IL7R: variants seen among roughly 807,000 people sequenced by gnomAD.
The protein encoded by IL7R is interleukin-7 receptor subunit alpha.
IL7R carries 38 observed loss-of-function variants against 47.0 expected under a neutral mutation model. The observed-to-expected ratio is 0.81, with a 90% CI of 0.62 to 1.06. The LOEUF (loss-of-function observed/expected upper bound fraction) is 1.06, where lower values mean the gene tolerates loss of function less well. IL7R is among the 50% of genes least tolerant of loss of function. The pLI, the probability that IL7R is intolerant of heterozygous loss-of-function variation, is 0.00. For synonymous variants in IL7R, 221 were observed against 199.8 expected, an observed-to-expected ratio of 1.11 and a Z score of -0.89; for missense variants, 633 against 534.8, an observed-to-expected ratio of 1.18 and a Z score of -1.81.
intron 1 of IL7R, among the ~76,000 whole-genome samples, chr5:35,859,977 T>C (rs1277757448): frequency 1.3e-5 from 2 of 151,628 alleles, no homozygotes; most frequent in South Asian, 2.1e-4. Context: ...AAAACATACA[T>C]ACAAAATGTA....
At chr5:35,863,488 A>C (rs1759870040) in intron 2 of IL7R, among the ~76,000 whole-genome samples, 1 of 152,174 alleles carries the variant, frequency 6.6e-6, no homozygotes, top group African/African-American at 2.4e-5. Flanking sequence ...ACACACATCC[A>C]GTTCACCAAG....
At chr5:35,870,905 A>C (rs889833959) in intron 3 of IL7R, 151 bp from the exon 4 acceptor site, 9 of 713,358 alleles carry the variant, frequency 1.3e-5, no homozygotes, top group Middle Eastern at 7.2e-4. Flanking sequence ...GACTGGATTT[A>C]AACCCAAGAA....
chr5:35,875,504 G>C lies in IL7R; in HGVS notation c.801-8G>C. 1 of 1,601,636 alleles carries C rather than the reference G, an allele frequency of 6.2e-7. No individual in the cohort carries two copies. The highest frequency in any genetic ancestry group is 8.6e-7 in the Non-Finnish European group (1 of 1,168,708). ...TTCACTTCATCTATCAATGTTCTCT[G>C]ATTTCAGGATTAAGCCTATCGTATG... On this transcript the variant is annotated splice_region_variant and splice_polypyrimidine_tract_variant and intron_variant, in intron 6 of 7. Transcript: ENST00000303115.
Position 35,868,938 on chromosome 5 carries a change from C to T in IL7R, c.379+1475C>T, listed in dbSNP as rs751450573. On this transcript the variant is annotated intron_variant, in intron 3 of 7. Coordinates refer to ENST00000303115, the MANE Select transcript of IL7R (RefSeq NM_002185.5). Reference sequence around the variant, plus strand: ...GACTGCAAATCTGACATGCCTCCTCCGAACGGCAAGGGGGAGAGGTACGTA... The same window carrying T: ...GACTGCAAATCTGACATGCCTCCTCTGAACGGCAAGGGGGAGAGGTACGTA... 3.5e-4 allele frequency among the ~76,000 whole-genome samples: 54 copies of T among 152,130 alleles called. 1 individual carries two copies. Among genetic ancestry groups the T allele is most frequent in the Admixed American group, 5.9e-4 (9 of 15,270 alleles).
chr5:35,874,214 A>T (rs1258971166), intron 5 of IL7R, among the ~76,000 whole-genome samples: 1 of 152,180 alleles, frequency 6.6e-6, no homozygotes, highest in Non-Finnish European at 1.5e-5. Context: ...GGTACCTTTG[A>T]TGCTAGATCA....
chr5:35,869,315 A>C lies in IL7R; in HGVS notation c.380-1741A>C, dbSNP rs139789790. ...TTGATATGATTATTCAGATTGTACAAGAATCTATTCCCTCTGAAGTATTGC... is the reference window on the plus strand; with the variant it reads ...TTGATATGATTATTCAGATTGTACACGAATCTATTCCCTCTGAAGTATTGC... On this transcript the variant is annotated intron_variant, in intron 3 of 7. Transcript: ENST00000303115. Among the ~76,000 whole-genome samples the C allele has an allele frequency of 4.7e-3, 709 of 152,304 alleles. 5 individuals carry two copies. Among genetic ancestry groups the C allele is most frequent in the African/African-American group, 0.016 (678 of 41,564 alleles).
intron 3 of IL7R, among the ~76,000 whole-genome samples, chr5:35,869,193 C>T (rs955277277): frequency 1.3e-5 from 2 of 152,174 alleles, no homozygotes; most frequent in African/African-American, 4.8e-5. Context: ...CCACTGCCAC[C>T]ACCTGCACCC....
chr5:35,873,009 A>C (rs1179401311), intron 4 of IL7R, among the ~76,000 whole-genome samples: 3 of 148,322 alleles, frequency 2.0e-5, no homozygotes, highest in Admixed American at 6.7e-5. Context: ...TATCTGTCAA[A>C]TTGATAGAGT....
chr5:35,876,240 C>T lies in IL7R; in HGVS notation c.1134C>T (p.Asp378=), dbSNP rs150593442. 1.5e-5 allele frequency: 25 copies of T among 1,613,998 alleles called. No homozygotes were observed. The highest frequency in any genetic ancestry group is 1.2e-4 in the South Asian group (11 of 91,084). The change falls in exon 8 of 8, where the codon GAC becomes GAT. Residue 378 remains aspartate, a synonymous_variant. Transcript: ENST00000303115. Reference sequence around the variant, plus strand: ...TGGCTGGGAATGTCAGTGCATGTGACGCCCCTATTCTCTCCTCTTCCAGGT... The same window carrying T: ...TGGCTGGGAATGTCAGTGCATGTGATGCCCCTATTCTCTCCTCTTCCAGGT... The part of the protein sequence containing the change: ...TCLAGNVSAC[D]APILSSSRSL...
Position 35,876,449 on chromosome 5 carries a change from C to T in IL7R, c.1343C>T (p.Ala448Val), listed in dbSNP as rs1580865043. 1.9e-6 allele frequency: 3 copies of T among 1,606,140 alleles called. No homozygotes were observed. Among genetic ancestry groups the T allele is most frequent in the Non-Finnish European group, 1.7e-6 (2 of 1,179,952 alleles). Residue 448 changes from alanine (A) to valine (V), a missense_variant, in exon 8 of 8, where the codon GCA becomes GTA. By Grantham distance (64) the Ala-to-Val change is moderately conservative. Transcript: ENST00000303115. ...TCCCTGGGATCAAATCAAGAAGAAG[C>T]ATATGTCACCATGTCCAGCTTCTAC... ...LTSLGSNQEEAYVTMSSFYQN... is the reference protein window; with the variant it reads ...LTSLGSNQEEVYVTMSSFYQN...
chr5:35,874,864 C>T (rs553567296), intron 6 of IL7R, among the ~76,000 whole-genome samples: 1 of 152,202 alleles, frequency 6.6e-6, no homozygotes, highest in African/African-American at 2.4e-5. Flanking sequence ...GAAGTCTTGA[C>T]TTTAAGCATA....
In IL7R at chr5:35,879,591, G is replaced by A. The variant is rs1760302039; in HGVS notation, c.*3105G>A. On this transcript the variant is annotated 3_prime_UTR_variant, in exon 8 of 8. Transcript: ENST00000303115. ...TAACCATCTCATATTTAATTAAATG[G>A]TATAGAAGAACACTTTGTGGCATGC... 9.3e-6 allele frequency: 2 copies of A among 214,380 alleles called. No individual in the cohort carries two copies. The highest frequency in any genetic ancestry group is 3.7e-4 in the South Asian group (2 of 5,374). The allele number at this position is 214,380 out of a possible 1,614,324, so 13.3% of individuals were successfully genotyped here. A position where few individuals can be genotyped will look rare whatever the true frequency, so the allele number is the denominator to read the frequency against.
At chr5:35,860,825 A>T in intron 1 of IL7R, 27 bp from the exon 2 acceptor site, 1 of 1,612,060 alleles carries the variant, frequency 6.2e-7, no homozygotes, top group Non-Finnish European at 8.5e-7. Context: ...TTGTTTCATT[A>T]ACAGCTGCAT....
intron 1 of IL7R, among the ~76,000 whole-genome samples, chr5:35,859,496 A>G (rs1254875180): frequency 1.3e-5 from 2 of 152,118 alleles, no homozygotes; most frequent in Admixed American, 6.6e-5. Context: ...GAAACTACAT[A>G]AAGAGCTTTT....
In IL7R at chr5:35,874,522, C is replaced by A. The variant is rs1265526347; in HGVS notation, c.780C>A (p.Ala260=). 6.2e-7 allele frequency: 1 copy of A among 1,612,874 alleles called. No homozygotes were observed. ...FFSVALLVIL[A]CVLWKKRIKP... ...CTGTCGCTCTGTTGGTCATCTTGGCCTGTGTGTTATGGAAAAAAAGGTGAC... is the reference window on the plus strand; with the variant it reads ...CTGTCGCTCTGTTGGTCATCTTGGCATGTGTGTTATGGAAAAAAAGGTGAC... The change falls in exon 6 of 8, where the codon GCC becomes GCA. Residue 260 remains alanine, a synonymous_variant. Transcript: ENST00000303115.
intron 3 of IL7R, among the ~76,000 whole-genome samples, chr5:35,870,693 G>A: frequency 6.6e-6 from 1 of 152,142 alleles, no homozygotes; most frequent in East Asian, 1.9e-4. Flanking sequence ...CTGCAGCTGG[G>A]GCTTCTCCCA....
Position 35,861,022 on chromosome 5 carries a change from A to T in IL7R, c.221+32A>T. 3 of 1,606,706 alleles carry T rather than the reference A, an allele frequency of 1.9e-6. No homozygotes were observed. The South Asian group carries it at 3.3e-5, about 18-fold the overall frequency. On this transcript the variant is annotated intron_variant, in intron 2 of 7. Transcript: ENST00000303115. The stretch of plus-strand genomic sequence containing the variant: ...GATGGTGGTTTTAATGGTTGCTTAG[A>T]CATCCTCTGTCTCTCTTTTCATATG...
At chr5:35,871,926 CCTT>C (rs1326855188) in intron 4 of IL7R, among the ~76,000 whole-genome samples, 5 of 152,226 alleles carry the variant, frequency 3.3e-5, no homozygotes, top group East Asian at 1.9e-4. Flanking sequence ...TTCCTCAAGT[CCTT>C]CTTATTCTTG....
rs368911555 is a variant in IL7R at position 35,874,420 on chromosome 5, G to A, written c.707-29G>A. 6.1e-6 allele frequency: 9 copies of A among 1,480,850 alleles called. No homozygotes were observed. In the African/African-American group the frequency reaches 1.2e-4, roughly 20 times the overall value. The allele number at this position is 1,480,850 out of a possible 1,614,324, so 91.7% of individuals were successfully genotyped here. A position where few individuals can be genotyped will look rare whatever the true frequency, so the allele number is the denominator to read the frequency against. ...TACCCCCACTGCATGGCTACTGAAT[G>A]CTCACCACAATCTATTCTTGCTTTC... On this transcript the variant is annotated intron_variant, in intron 5 of 7. Transcript: ENST00000303115.
Sources: gnomAD v4.1 joint callset for allele counts (sites outside exome capture counted in the v4.1 genomes callset) on GRCh38, gnomAD v4.1.1 for gene constraint, MANE v1.5 for transcripts, NCBI Gene and HGNC (gene_info 2026-07-23, HGNC 2026-07-21) for gene names.